Variants in GUCY1A2 observed in about 807,000 individuals in gnomAD.
The protein encoded by GUCY1A2 is guanylate cyclase soluble subunit alpha-2.
GUCY1A2 carries 27 observed loss-of-function variants against 63.5 expected under a neutral mutation model. The ratio of observed to expected loss-of-function variants is 0.43; its 90% CI spans 0.31 to 0.59. The LOEUF (loss-of-function observed/expected upper bound fraction) is 0.59. Ranked by LOEUF, GUCY1A2 falls within the 20% of genes least tolerant of loss-of-function variation. The pLI is 0.11. For synonymous variants in GUCY1A2, 364 were observed against 343.5 expected (o/e 1.06, Z -0.66); for missense variants, 768 against 913.3 (o/e 0.84, Z 2.05).
At chr11:107,006,143 A>C (rs536358182) in intron 1 of GUCY1A2, among the ~76,000 whole-genome samples, 105 of 152,344 alleles carry the variant, frequency 6.9e-4, no homozygotes, top group South Asian at 1.2e-3. Context: ...CAAGATAACA[A>C]GAAGAGTTTG....
chr11:106,830,775 C>T (rs1859039846), intron 4 of GUCY1A2, among the ~76,000 whole-genome samples: 1 of 152,052 alleles, frequency 6.6e-6, no homozygotes, highest in Non-Finnish European at 1.5e-5. Flanking sequence ...CTATTAGTTC[C>T]GACCCTCTAG....
intron 4 of GUCY1A2, among the ~76,000 whole-genome samples, chr11:106,874,696 G>A (rs1859726045): frequency 6.6e-6 from 1 of 151,976 alleles, no homozygotes; most frequent in Admixed American, 6.6e-5. Context: ...ACTTCTGCAA[G>A]AGTTAGCAAC....
intron 6 of GUCY1A2, among the ~76,000 whole-genome samples, chr11:106,743,893 C>G (rs986240026): frequency 6.6e-6 from 1 of 152,128 alleles, no homozygotes; most frequent in African/African-American, 2.4e-5. Flanking sequence ...CAGAACTGGA[C>G]ACAAGATTCC....
chr11:106,734,183 C>T (rs1863551015), intron 6 of GUCY1A2, among the ~76,000 whole-genome samples: 1 of 152,028 alleles, frequency 6.6e-6, no homozygotes, highest in African/African-American at 2.4e-5. Context: ...TGACATGACC[C>T]ACACACATCC....
intron 6 of GUCY1A2, among the ~76,000 whole-genome samples, chr11:106,768,596 A>G (rs1024217077): frequency 9.9e-5 from 15 of 152,168 alleles, no homozygotes; most frequent in African/African-American, 1.9e-4. Context: ...AATAATAGCA[A>G]TAATTCCTTC....
intron 6 of GUCY1A2, among the ~76,000 whole-genome samples, chr11:106,754,968 G>C (rs951729897): frequency 6.6e-6 from 1 of 152,162 alleles, no homozygotes. Flanking sequence ...ATTTGGCTGT[G>C]AATCTGTCTG....
chr11:106,914,018 AAAAG>A (rs1327486392), intron 4 of GUCY1A2, among the ~76,000 whole-genome samples: 4 of 151,454 alleles, frequency 2.6e-5, no homozygotes, highest in Non-Finnish European at 5.9e-5. Flanking sequence ...GAAAGAAAGA[AAAAG>A]AAAGAGAGAG....
At chr11:106,952,653 G>GTT (rs34041419) in intron 3 of GUCY1A2, among the ~76,000 whole-genome samples, 25 of 149,018 alleles carry the variant, frequency 1.7e-4, no homozygotes, top group South Asian at 4.3e-4. Flanking sequence ...GATGATGAGG[G>GTT]TTTTTTTTTT....
intron 4 of GUCY1A2, among the ~76,000 whole-genome samples, chr11:106,840,098 TAAG>T (rs1233293316): frequency 6.6e-6 from 1 of 151,998 alleles, no homozygotes; most frequent in Non-Finnish European, 1.5e-5. Flanking sequence ...GTAAGCTGAT[TAAG>T]AAGTCATTCT....
At chr11:106,882,678 A>G (rs1012363171) in intron 4 of GUCY1A2, among the ~76,000 whole-genome samples, 4 of 152,032 alleles carry the variant, frequency 2.6e-5, no homozygotes, top group African/African-American at 9.7e-5. Flanking sequence ...TTTAACAGTT[A>G]TCTGTAATTT....
At chr11:106,732,437 A>G (rs67740566) in intron 6 of GUCY1A2, among the ~76,000 whole-genome samples, 42,320 of 152,032 alleles carry the variant, frequency 0.28, 6,172 homozygotes, top group Non-Finnish European at 0.31. Flanking sequence ...AGTTAGCTTC[A>G]TAAGACATTT....
At chr11:106,816,642 T>C (rs1159488884) in intron 4 of GUCY1A2, among the ~76,000 whole-genome samples, 1 of 148,258 alleles carries the variant, frequency 6.7e-6, no homozygotes, top group Non-Finnish European at 1.5e-5. Flanking sequence ...AGGAAAACAA[T>C]AAAGAAAATG....
At chr11:106,736,909 G>A (rs1399371306) in intron 6 of GUCY1A2, among the ~76,000 whole-genome samples, 2 of 151,864 alleles carry the variant, frequency 1.3e-5, no homozygotes, top group African/African-American at 4.8e-5. Flanking sequence ...ATGATCAGGT[G>A]CTACCAGACA....
intron 1 of GUCY1A2, among the ~76,000 whole-genome samples, chr11:107,011,289 G>A (rs1160876496): frequency 2.6e-5 from 4 of 151,774 alleles, no homozygotes; most frequent in African/African-American, 4.8e-5. Flanking sequence ...AAATGACAGT[G>A]CATTTATTTT....
chr11:106,991,748 G>C (rs1208095330), intron 1 of GUCY1A2, among the ~76,000 whole-genome samples: 3 of 152,168 alleles, frequency 2.0e-5, no homozygotes, highest in Admixed American at 6.5e-5. Flanking sequence ...GATAAGCAAA[G>C]AGCTATGCTG....
intron 6 of GUCY1A2, among the ~76,000 whole-genome samples, chr11:106,740,989 T>A (rs2135378763): frequency 6.6e-6 from 1 of 152,288 alleles, no homozygotes; most frequent in East Asian, 1.9e-4. Flanking sequence ...TATGATATTA[T>A]AGTTAGTCTA....
chr11:106,735,049 T>G (rs1027513257), intron 6 of GUCY1A2, among the ~76,000 whole-genome samples: 1 of 152,106 alleles, frequency 6.6e-6, no homozygotes, highest in African/African-American at 2.4e-5. Context: ...GGTACATAAG[T>G]ATTTCGATAC....
At chr11:106,943,554 C>G (rs953890252) in intron 3 of GUCY1A2, among the ~76,000 whole-genome samples, 3 of 152,182 alleles carry the variant, frequency 2.0e-5, no homozygotes, top group African/African-American at 7.2e-5. Context: ...CATCTGCTAT[C>G]CCACCCCACC....
At chr11:106,688,072 C>T (rs1463692363) in intron 7 of GUCY1A2, among the ~76,000 whole-genome samples, 1 of 152,132 alleles carries the variant, frequency 6.6e-6, no homozygotes, top group Non-Finnish European at 1.5e-5. Context: ...TTTCCCTAAA[C>T]AAATGCCCAA....
Sources: allele counts gnomAD v4.1 joint callset (sites outside exome capture counted in the v4.1 genomes callset), GRCh38; gene constraint gnomAD v4.1.1; transcripts MANE v1.5; gene names NCBI Gene and HGNC (gene_info 2026-07-23, HGNC 2026-07-21).